Variants in APP observed in about 807,000 individuals in gnomAD.
APP encodes the protein amyloid-beta precursor protein.
In APP, 31 loss-of-function variants were observed where a neutral mutation model predicts 101.4. That is an observed-to-expected ratio of 0.31 (90% CI 0.23 to 0.41). The LOEUF (loss-of-function observed/expected upper bound fraction) is 0.41. Ranked by LOEUF, APP falls within the 10% of genes least tolerant of loss-of-function variation. The pLI is 1.00. For synonymous variants in APP, 366 were observed against 364.4 expected, an observed-to-expected ratio of 1.00 and a Z score of -0.05; for missense variants, 839 against 1,003.7, an observed-to-expected ratio of 0.84 and a Z score of 2.22.
intron 13 of APP, among the ~76,000 whole-genome samples, chr21:25,944,676 C>T (rs2146446721): frequency 1.3e-5 from 2 of 152,300 alleles, no homozygotes; most frequent in East Asian, 3.9e-4. Flanking sequence ...GGATTCATCT[C>T]CATACTCAGG....
intron 3 of APP, among the ~76,000 whole-genome samples, chr21:26,088,680 G>A (rs1315002034): frequency 1.3e-5 from 2 of 152,112 alleles, no homozygotes; most frequent in Non-Finnish European, 2.9e-5. Flanking sequence ...TAGGAGTTCT[G>A]TATCTAGAAT....
intron 3 of APP, among the ~76,000 whole-genome samples, chr21:26,059,386 G>A (rs914515554): frequency 6.6e-6 from 1 of 152,172 alleles, no homozygotes; most frequent in Non-Finnish European, 1.5e-5. Flanking sequence ...TCAAGAAAGT[G>A]GGGGAAATGT....
chr21:26,058,692 T>C (rs190926742), intron 3 of APP, among the ~76,000 whole-genome samples: 312 of 152,272 alleles, frequency 2.0e-3, no homozygotes, highest in Non-Finnish European at 2.1e-3. Context: ...TCCCAGCTAC[T>C]TGGGAGGCTG....
intron 16 of APP, among the ~76,000 whole-genome samples, chr21:25,897,098 T>G (rs1296110003): frequency 2.0e-5 from 3 of 152,090 alleles, no homozygotes; most frequent in Non-Finnish European, 4.4e-5. Context: ...TGCCTTGTAG[T>G]CTGAAAGAAC....
intron 2 of APP, among the ~76,000 whole-genome samples, chr21:26,091,157 T>C (rs1055093313): frequency 6.6e-6 from 1 of 152,226 alleles, no homozygotes; most frequent in Non-Finnish European, 1.5e-5. Flanking sequence ...TAACAACGAA[T>C]AGAGAAGTGA....
intron 16 of APP, among the ~76,000 whole-genome samples, chr21:25,893,860 A>G (rs2037854043): frequency 6.6e-6 from 1 of 152,244 alleles, no homozygotes; most frequent in African/African-American, 2.4e-5. Flanking sequence ...AAACAGACTT[A>G]TTTGGAAGAA....
chr21:25,902,960 C>A (rs1265549388), intron 15 of APP, among the ~76,000 whole-genome samples: 4 of 152,106 alleles, frequency 2.6e-5, no homozygotes, highest in Non-Finnish European at 1.5e-5. Flanking sequence ...TGGTTTTCTC[C>A]CACCAGTGTA....
intron 5 of APP, among the ~76,000 whole-genome samples, chr21:26,028,396 C>A (rs903345310): frequency 6.6e-6 from 1 of 152,062 alleles, no homozygotes; most frequent in Non-Finnish European, 1.5e-5. Flanking sequence ...GTGATTGTTG[C>A]GAGCCAGAGG....
At chr21:26,028,496 T>G (rs1246909133) in intron 5 of APP, among the ~76,000 whole-genome samples, 1 of 152,084 alleles carries the variant, frequency 6.6e-6, no homozygotes, top group African/African-American at 2.4e-5. Flanking sequence ...GTAAATAAAA[T>G]ATAATGAAAT....
At chr21:25,904,874 G>C in intron 15 of APP, 150 bp downstream of exon 15, 4 of 720,784 alleles carry the variant, frequency 5.5e-6, no homozygotes, top group South Asian at 3.0e-5. Context: ...TAGTCAAGGG[G>C]AATTTTTAAA....
chr21:26,145,482 T>C (rs572434755), intron 1 of APP, among the ~76,000 whole-genome samples: 1 of 152,160 alleles, frequency 6.6e-6, no homozygotes. Flanking sequence ...GAAGCAGCAC[T>C]CAGGCAGTAA....
chr21:25,970,564 T>TA (rs974287355), intron 11 of APP, among the ~76,000 whole-genome samples: 2 of 151,836 alleles, frequency 1.3e-5, no homozygotes, highest in Admixed American at 6.6e-5. Flanking sequence ...TGCAGAGATA[T>TA]AAAAAAAAAT....
chr21:26,160,773 T>C (rs1211968680), intron 1 of APP, among the ~76,000 whole-genome samples: 1 of 152,192 alleles, frequency 6.6e-6, no homozygotes, highest in Non-Finnish European at 1.5e-5. Flanking sequence ...CACAAAATTA[T>C]GTCTAGGCAC....
At chr21:26,102,310 C>T (rs181545347) in intron 2 of APP, among the ~76,000 whole-genome samples, 1 of 151,906 alleles carries the variant, frequency 6.6e-6, no homozygotes, top group Non-Finnish European at 1.5e-5. Flanking sequence ...GGGATGGTCT[C>T]GATCTCCTGA....
intron 6 of APP, among the ~76,000 whole-genome samples, chr21:26,002,730 T>A (rs1367398266): frequency 6.6e-6 from 1 of 152,156 alleles, no homozygotes; most frequent in African/African-American, 2.4e-5. Flanking sequence ...CAACAAAATT[T>A]ACCATGCCTT....
chr21:25,889,339 G>T (rs1026998192), intron 17 of APP, among the ~76,000 whole-genome samples: 3 of 152,160 alleles, frequency 2.0e-5, no homozygotes, highest in African/African-American at 4.8e-5. Flanking sequence ...AAACCAAGGA[G>T]AGATGCCTGG....
intron 3 of APP, among the ~76,000 whole-genome samples, chr21:26,077,775 G>GAAAA (rs796489181): frequency 1.5e-4 from 13 of 86,922 alleles, no homozygotes; most frequent in Admixed American, 2.6e-4. Flanking sequence ...ACAGGAGAAG[G>GAAAA]AAAAAAAAAA....
chr21:25,902,120 G>T (rs1459145827), intron 15 of APP, among the ~76,000 whole-genome samples: 1 of 152,076 alleles, frequency 6.6e-6, no homozygotes, highest in Non-Finnish European at 1.5e-5. Context: ...TTAGATATGA[G>T]AGTTAAGGAG....
At chr21:26,071,495 A>G (rs998055877) in intron 3 of APP, among the ~76,000 whole-genome samples, 1 of 152,208 alleles carries the variant, frequency 6.6e-6, no homozygotes, top group African/African-American at 2.4e-5. Flanking sequence ...GATAGCTCCC[A>G]TTTTATATTT....
Sources: allele counts gnomAD v4.1 joint callset (sites outside exome capture counted in the v4.1 genomes callset), GRCh38; gene constraint gnomAD v4.1.1; transcripts MANE v1.5; gene names NCBI Gene and HGNC (gene_info 2026-07-23, HGNC 2026-07-21).